The following EML1 variants were observed in gnomAD, a reference collection of about 807,000 sequenced individuals.
EML1 encodes the protein echinoderm microtubule-associated protein-like 1.
In EML1, 27 loss-of-function variants were observed where a neutral mutation model predicts 110.4. The observed-to-expected ratio is 0.24, with a 90% CI of 0.18 to 0.34. The LOEUF (loss-of-function observed/expected upper bound fraction) is 0.34, where lower values mean the gene tolerates loss of function less well. Ranked by LOEUF, EML1 falls within the 10% of genes least tolerant of loss-of-function variation. EML1 has a pLI of 1.00. For missense variants in EML1, 741 were observed against 1,030.9 expected (o/e 0.72, Z 3.85); for synonymous variants, 344 against 385.8 (o/e 0.89, Z 1.27).
At position 99,843,016 on chromosome 14, in the gene EML1, C is replaced by T. The variant is rs558785243; in HGVS notation, c.68-7837C>T. Among the ~76,000 whole-genome samples the T allele has an allele frequency of 1.1e-4, 17 of 152,114 alleles. No homozygotes were observed. The East Asian group carries it at 2.7e-3, about 24-fold the overall frequency. Reference sequence around the variant, plus strand: ...CCTGTGTAATCCCAGCACTTTGAGACGCTGAGGCAGGATAATCGCTTGAGG... The same window carrying T: ...CCTGTGTAATCCCAGCACTTTGAGATGCTGAGGCAGGATAATCGCTTGAGG... On this transcript the variant is annotated intron_variant, in intron 1 of 21. Coordinates refer to ENST00000262233, the MANE Select transcript of EML1 (RefSeq NM_004434.3).
intron 1 of EML1, 101 bp downstream of exon 1, chr14:99,793,644 C>T (rs1466452256): frequency 7.8e-6 from 7 of 893,226 alleles, no homozygotes; most frequent in Non-Finnish European, 9.4e-6. Flanking sequence ...GCCCGGCGGC[C>T]GCGGGCGAGG....
At chr14:99,803,252 C>T (rs912259189) in intron 1 of EML1, among the ~76,000 whole-genome samples, 2 of 152,232 alleles carry the variant, frequency 1.3e-5, no homozygotes, top group Non-Finnish European at 2.9e-5. Flanking sequence ...CCACCAGGCA[C>T]CATGCCACAC....
intron 1 of EML1, among the ~76,000 whole-genome samples, chr14:99,747,185 C>CT: frequency 3.8e-5 from 1 of 26,520 alleles, no homozygotes. Context: ...TAGACCCCGT[C>CT]TCAAAAAAAA....
intron 1 of EML1, among the ~76,000 whole-genome samples, chr14:99,794,988 T>C (rs1201561528): frequency 6.6e-6 from 1 of 152,216 alleles, no homozygotes. Context: ...TTGTTTTTGA[T>C]CTAAAAAGTA....
At chr14:99,789,964 C>A (rs2057645290), upstream of EML1, among the ~76,000 whole-genome samples, 1 of 152,122 alleles carries the variant, frequency 6.6e-6, no homozygotes, top group Non-Finnish European at 1.5e-5. Context: ...TGAACTTTCC[C>A]CAAAGATCTT....
Position 99,939,412 on chromosome 14 carries a change from G to A in EML1, c.2322+85G>A. The A allele has an allele frequency of 6.4e-7, 1 of 1,567,198 alleles. No homozygotes were observed. The highest frequency in any genetic ancestry group is 8.7e-7 in the Non-Finnish European group (1 of 1,153,894). On this transcript the variant is annotated intron_variant, in intron 21 of 21. Transcript: ENST00000262233. The surrounding 1 kb of genome is among the most constrained non-coding windows in gnomAD (Gnocchi z 4.2). ...CTGTTTGGAGACTAAGTGGAAATGGGCTGTGAGCGACTGCTGCCAGCCACA... is the reference window on the plus strand; with the variant it reads ...CTGTTTGGAGACTAAGTGGAAATGGACTGTGAGCGACTGCTGCCAGCCACA...
intron 1 of EML1, among the ~76,000 whole-genome samples, chr14:99,823,926 A>G (rs909093196): frequency 2.6e-5 from 4 of 152,064 alleles, no homozygotes; most frequent in African/African-American, 9.7e-5. Context: ...TGTAGCTACT[A>G]GGCCCCAAGG....
chr14:99,923,641 C>G, intron 17 of EML1, among the ~76,000 whole-genome samples: 1 of 52,212 alleles, frequency 1.9e-5, no homozygotes, highest in African/African-American at 4.4e-4. Flanking sequence ...CAGTTCTGCC[C>G]CCTTCACCTG....
intron 8 of EML1, among the ~76,000 whole-genome samples, 185 bp downstream of exon 8, chr14:99,898,487 C>T (rs1218810853): frequency 1.3e-5 from 2 of 152,160 alleles, no homozygotes; most frequent in Non-Finnish European, 2.9e-5. Flanking sequence ...TGCGGTGGCT[C>T]ACGCCTGTAA....
upstream of EML1, among the ~76,000 whole-genome samples, chr14:99,772,529 T>A (rs1356375144): frequency 6.6e-6 from 1 of 152,014 alleles, no homozygotes; most frequent in Non-Finnish European, 1.5e-5. Flanking sequence ...CCCCTGGGGG[T>A]TGATTCCTCT....
intron 20 of EML1, 54 bp downstream of exon 20, chr14:99,937,966 A>G (rs2060505604): frequency 2.6e-6 from 4 of 1,550,384 alleles, no homozygotes; most frequent in Non-Finnish European, 3.6e-6. Flanking sequence ...TCCTTTTAAA[A>G]TATTTCTTCA....
intron 1 of EML1, among the ~76,000 whole-genome samples, chr14:99,782,240 C>G (rs1250355495): frequency 6.6e-6 from 1 of 152,118 alleles, no homozygotes; most frequent in Non-Finnish European, 1.5e-5. Flanking sequence ...TTGGGCCTGA[C>G]AGGACTGGGT....
intron 1 of EML1, among the ~76,000 whole-genome samples, chr14:99,739,294 C>A (rs1364172134): frequency 3.3e-5 from 5 of 152,218 alleles, no homozygotes; most frequent in Admixed American, 2.0e-4. Flanking sequence ...GCTGGCCCTG[C>A]CCCACACCTG....
At chr14:99,799,541 T>C (rs2057836173) in intron 1 of EML1, among the ~76,000 whole-genome samples, 1 of 152,208 alleles carries the variant, frequency 6.6e-6, no homozygotes, top group Non-Finnish European at 1.5e-5. Context: ...AACGCTTTCA[T>C]GGAAAAGTGC....
chr14:99,910,440 A>G, intron 12 of EML1, 99 bp downstream of exon 12: 3 of 920,636 alleles, frequency 3.3e-6, no homozygotes, highest in South Asian at 1.7e-5. Flanking sequence ...AACGTACAGG[A>G]GTAGGATGAA....
chr14:99,928,936 C>T (rs373839681), intron 17 of EML1, among the ~76,000 whole-genome samples: 75 of 152,260 alleles, frequency 4.9e-4, no homozygotes, highest in African/African-American at 1.8e-3. Flanking sequence ...TTAATTTAGC[C>T]AGTGTTCTGC....
chr14:99,855,842 G>A (rs2058893431), intron 2 of EML1, among the ~76,000 whole-genome samples: 1 of 152,142 alleles, frequency 6.6e-6, no homozygotes, highest in African/African-American at 2.4e-5. Context: ...CTGTTGGGGA[G>A]GTTAATAAGC....
intron 1 of EML1, among the ~76,000 whole-genome samples, chr14:99,828,960 A>G (rs1355435612): frequency 3.3e-5 from 5 of 152,104 alleles, no homozygotes; most frequent in African/African-American, 4.8e-5. Context: ...TTGCTGTCTC[A>G]GGAGTGACAA....
intron 1 of EML1, among the ~76,000 whole-genome samples, chr14:99,840,380 G>T (rs11628113): frequency 0.32 from 48,424 of 152,134 alleles, 8,269 homozygotes; most frequent in African/African-American, 0.43. Flanking sequence ...TAGGCTCACA[G>T]CTCACCCTCG....
Sources: allele counts gnomAD v4.1 joint callset (sites outside exome capture counted in the v4.1 genomes callset), GRCh38; gene constraint gnomAD v4.1.1; non-coding constraint Gnocchi (gnomAD v3.1); transcripts MANE v1.5; gene names NCBI Gene and HGNC (gene_info 2026-07-23, HGNC 2026-07-21).